ADGRL3: variants seen among roughly 807,000 people sequenced by gnomAD.
ADGRL3 encodes calcium-independent alpha-latrotoxin receptor 3.
In ADGRL3, 62 loss-of-function variants were observed where a neutral mutation model predicts 153.5. The observed-to-expected ratio is 0.40, with a 90% CI of 0.33 to 0.50. ADGRL3 has a LOEUF of 0.50. Among genes scored for constraint, ADGRL3 ranks in the 20% least tolerant of loss-of-function variants. ADGRL3 has a pLI of 0.47. For missense variants in ADGRL3, 1,641 were observed against 1,859.4 expected (o/e 0.88, Z 2.16); for synonymous variants, 710 against 672.5 (o/e 1.06, Z -0.86).
intron 4 of ADGRL3, among the ~76,000 whole-genome samples, chr4:61,543,752 C>A (rs1273788563): frequency 6.6e-6 from 1 of 152,200 alleles, no homozygotes; most frequent in East Asian, 1.9e-4. Context: ...TGCATAAATG[C>A]ATAGGTGGTG....
At chr4:61,964,292 T>G (rs1441954868) in intron 17 of ADGRL3, among the ~76,000 whole-genome samples, 1 of 152,194 alleles carries the variant, frequency 6.6e-6, no homozygotes, top group Non-Finnish European at 1.5e-5. Flanking sequence ...TTGAGAATTA[T>G]AAGGTTTTCT....
chr4:61,289,072 G>T (rs994689596), intron 1 of ADGRL3, among the ~76,000 whole-genome samples: 3 of 151,854 alleles, frequency 2.0e-5, no homozygotes, highest in African/African-American at 4.8e-5. Flanking sequence ...CAATATAGAG[G>T]TTATAAAGTT....
At chr4:62,039,572 T>C (rs1582011499) in intron 24 of ADGRL3, among the ~76,000 whole-genome samples, 1 of 152,282 alleles carries the variant, frequency 6.6e-6, no homozygotes, top group East Asian at 1.9e-4. Flanking sequence ...GTTGTAAAGT[T>C]GCAAATCAGA....
At chr4:61,736,525 G>A (rs938468923) in intron 8 of ADGRL3, among the ~76,000 whole-genome samples, 2 of 152,138 alleles carry the variant, frequency 1.3e-5, no homozygotes, top group African/African-American at 2.4e-5. Context: ...TGGTGTGGTG[G>A]TGGGTGCCTG....
intron 4 of ADGRL3, among the ~76,000 whole-genome samples, chr4:61,578,696 C>G (rs763299890): frequency 6.6e-6 from 1 of 152,050 alleles, no homozygotes; most frequent in Admixed American, 6.6e-5. Flanking sequence ...ACTATCCCCT[C>G]TCCGATATCC....
intron 1 of ADGRL3, among the ~76,000 whole-genome samples, chr4:61,241,223 A>C (rs928815281): frequency 6.6e-6 from 1 of 152,050 alleles, no homozygotes; most frequent in South Asian, 2.1e-4. Flanking sequence ...AATAGAAATA[A>C]TTTAGAGATT....
At chr4:61,676,541 G>A (rs911298292) in intron 5 of ADGRL3, among the ~76,000 whole-genome samples, 5 of 151,702 alleles carry the variant, frequency 3.3e-5, no homozygotes, top group African/African-American at 1.2e-4. Flanking sequence ...ATATCCTGTG[G>A]ACCAGTTAGT....
intron 2 of ADGRL3, among the ~76,000 whole-genome samples, chr4:61,421,329 G>C (rs931049183): frequency 1.3e-5 from 2 of 151,248 alleles, no homozygotes; most frequent in Non-Finnish European, 2.9e-5. Flanking sequence ...GCAAGACTTC[G>C]TCTCAAAAAA....
intron 17 of ADGRL3, among the ~76,000 whole-genome samples, chr4:61,975,518 A>G (rs1384429903): frequency 4.6e-5 from 7 of 152,178 alleles, no homozygotes; most frequent in South Asian, 4.1e-4. Context: ...AGGCTTTTGT[A>G]AAGACTTAGT....
chr4:61,813,857 T>A lies in ADGRL3; in HGVS notation c.1448T>A (p.Leu483His). The A allele has an allele frequency of 1.9e-6, 3 of 1,581,202 alleles. No homozygotes were observed. Among genetic ancestry groups the A allele is most frequent in the Non-Finnish European group, 2.6e-6 (3 of 1,150,132 alleles). ...TCATACATTTCTCCGCCAATTCACCTTGACTCTGAGCTAGAAAGACCCTCT... is the reference window on the plus strand; with the variant it reads ...TCATACATTTCTCCGCCAATTCACCATGACTCTGAGCTAGAAAGACCCTCT... ...QVSYISPPIHLDSELERPSVK... is the reference protein window; with the variant it reads ...QVSYISPPIHHDSELERPSVK... Residue 483 changes from leucine (L) to histidine (H), a missense_variant, in exon 9 of 27, where the codon CTT (leucine) becomes CAT (histidine). By Grantham distance (99) the Leu-to-His change is moderately conservative. This residue lies in a region of ADGRL3 where 734 missense variants were observed against 797.0 expected (regional missense o/e 0.92). Coordinates refer to ENST00000683033, the MANE Select transcript of ADGRL3 (RefSeq NM_001387552.1).
chr4:61,563,706 A>G (rs2098804629), intron 4 of ADGRL3, among the ~76,000 whole-genome samples: 1 of 152,108 alleles, frequency 6.6e-6, no homozygotes, highest in South Asian at 2.1e-4. Context: ...TATGGAGATT[A>G]CTTCTTTTTT....
Position 61,432,574 on chromosome 4 carries a change from C to CTTTCTTTCTTTCTT in ADGRL3, c.-174+49387_-174+49400dup, listed in dbSNP as rs1560622554. ...TTATAGATTTCTTTTCTTTCTCTTC[C>CTTTCTTTCTTTCTT]TTTCTTTCTTTCTTTCTTTCTTTCT... On this transcript the variant is annotated intron_variant, in intron 2 of 26. Coordinates refer to ENST00000683033, the MANE Select transcript of ADGRL3 (RefSeq NM_001387552.1). Among the ~76,000 whole-genome samples the CTTTCTTTCTTTCTT allele has an allele frequency of 3.6e-3, 6 of 1,666 alleles. 1 individual carries two copies. The highest frequency in any genetic ancestry group is 0.018 in the Non-Finnish European group (5 of 276). The allele number at this position is 1,666 out of a possible 152,430, so 1.1% of individuals were successfully genotyped here. A position where few individuals can be genotyped will look rare whatever the true frequency, so the allele number is the denominator to read the frequency against.
intron 1 of ADGRL3, among the ~76,000 whole-genome samples, chr4:61,333,749 A>C (rs1045136354): frequency 2.0e-5 from 3 of 151,920 alleles, no homozygotes; most frequent in African/African-American, 7.3e-5. Flanking sequence ...GGCATGTGCC[A>C]CCATATCCAG....
chr4:61,589,410 C>G (rs573725767), intron 5 of ADGRL3, among the ~76,000 whole-genome samples: 42 of 152,142 alleles, frequency 2.8e-4, no homozygotes, highest in Non-Finnish European at 5.0e-4. Context: ...TTATAATGAA[C>G]GTAGTTACAC....
intron 6 of ADGRL3, among the ~76,000 whole-genome samples, chr4:61,721,774 C>T (rs920318677): frequency 6.6e-6 from 1 of 152,140 alleles, no homozygotes; most frequent in African/African-American, 2.4e-5. Flanking sequence ...TATGTGAGTG[C>T]TCAGTGACAA....
At chr4:61,735,024 A>G (rs533722776) in intron 8 of ADGRL3, among the ~76,000 whole-genome samples, 8 of 152,210 alleles carry the variant, frequency 5.3e-5, no homozygotes, top group Non-Finnish European at 1.2e-4. Flanking sequence ...TTAGCATGAC[A>G]TTCTTCTAAC....
intron 9 of ADGRL3, among the ~76,000 whole-genome samples, chr4:61,852,380 T>C (rs1293516175): frequency 2.0e-5 from 3 of 152,066 alleles, no homozygotes; most frequent in African/African-American, 7.2e-5. Flanking sequence ...CGTGGCACAG[T>C]CTCAACTTAC....
intron 4 of ADGRL3, among the ~76,000 whole-genome samples, chr4:61,583,524 TTTATTA>T (rs2098934425): frequency 6.6e-6 from 1 of 152,088 alleles, no homozygotes; most frequent in Non-Finnish European, 1.5e-5. Context: ...AGCTATTTCT[TTTATTA>T]TTTGATATTT....
chr4:61,889,244 A>G (rs1454025824), intron 9 of ADGRL3, among the ~76,000 whole-genome samples: 1 of 152,250 alleles, frequency 6.6e-6, no homozygotes, highest in East Asian at 1.9e-4. Context: ...AGCTAAGCTG[A>G]AAGGATAAAT....
Sources: allele counts gnomAD v4.1 joint callset (sites outside exome capture counted in the v4.1 genomes callset), GRCh38; gene constraint gnomAD v4.1.1; regional missense constraint gnomAD v4.1.1; transcripts MANE v1.5; gene names NCBI Gene and HGNC (gene_info 2026-07-23, HGNC 2026-07-21).